CUX2: variants seen among roughly 807,000 people sequenced by gnomAD.
CUX2 encodes cut like homeobox 2.
In CUX2, 40 loss-of-function variants were observed where a neutral mutation model predicts 144.8. The ratio of observed to expected loss-of-function variants is 0.28; its 90% CI spans 0.21 to 0.36. The LOEUF is 0.36. Among genes scored for constraint, CUX2 ranks in the 10% least tolerant of loss-of-function variants. The pLI is 1.00. For missense variants in CUX2, 1,615 were observed against 1,994.0 expected (o/e 0.81, Z 3.62); for synonymous variants, 827 against 875.6 (o/e 0.94, Z 0.98).
At chr12:111,165,902 A>G (rs1056186981) in intron 1 of CUX2, among the ~76,000 whole-genome samples, 3 of 152,178 alleles carry the variant, frequency 2.0e-5, no homozygotes, top group Admixed American at 6.5e-5. Flanking sequence ...ATTGCTATCC[A>G]CAGTGTTTGG....
Position 111,334,699 on chromosome 12 carries a change from A to G in CUX2, c.3185A>G (p.Asp1062Gly), listed in dbSNP as rs1840030774. 1 of 1,608,692 alleles carries G rather than the reference A, an allele frequency of 6.2e-7. No homozygotes were observed. Among genetic ancestry groups the G allele is most frequent in the Admixed American group, 1.7e-5 (1 of 59,580 alleles). The change falls in exon 19 of 22, where the codon GAC (aspartate) becomes GGC (glycine). Residue 1062 changes from aspartate (D) to glycine (G), a missense_variant. This residue lies in a region of CUX2 where 131 missense variants were observed against 223.1 expected (regional missense o/e 0.59). Transcript: ENST00000261726. Reference protein sequence around the residue: ...ITKRVKEVLTDNNLGQRLFGE... With the variant: ...ITKRVKEVLTGNNLGQRLFGE... Reference sequence around the variant, plus strand: ...AAGAGGGTGAAGGAGGTCCTCACAGACAACAATCTAGGTACGGAGCGGGTG... The same window carrying G: ...AAGAGGGTGAAGGAGGTCCTCACAGGCAACAATCTAGGTACGGAGCGGGTG...
intron 1 of CUX2, among the ~76,000 whole-genome samples, chr12:111,161,728 ATTTCT>A (rs1019188650): frequency 6.6e-6 from 1 of 151,656 alleles, no homozygotes; most frequent in Non-Finnish European, 1.5e-5. Context: ...GCTGGATGCC[ATTTCT>A]TTTCTTTTTT....
rs1888587738 is a variant in CUX2, at chr12:111,341,761, CCT to C, written c.3386-14_3386-13del. On this transcript the variant is annotated splice_polypyrimidine_tract_variant and intron_variant, in intron 20 of 21. Transcript: ENST00000261726. ...ATGGGGACACCACCTCTCAGCCCTC[CCT>C]CTCTTCCTGGCCCCAGCCTACCTGA... is the stretch of plus-strand genomic sequence containing the variant. The C allele has an allele frequency of 1.3e-6, 2 of 1,560,962 alleles. No homozygotes were observed. The highest frequency in any genetic ancestry group is 2.4e-5 in the South Asian group (2 of 84,226).
intron 1 of CUX2, among the ~76,000 whole-genome samples, chr12:111,107,185 T>G (rs1873663843): frequency 6.6e-6 from 1 of 152,198 alleles, no homozygotes; most frequent in South Asian, 2.1e-4. Context: ...GTACAGTTTT[T>G]GGTGACAGTG....
chr12:111,299,631 T>C, intron 9 of CUX2, among the ~76,000 whole-genome samples: 1 of 152,306 alleles, frequency 6.6e-6, no homozygotes, highest in Non-Finnish European at 1.5e-5. Flanking sequence ...TGAGCTTAGG[T>C]CCAGCATATT....
At chr12:111,101,062 G>A (rs1873202320) in intron 1 of CUX2, among the ~76,000 whole-genome samples, 1 of 152,226 alleles carries the variant, frequency 6.6e-6, no homozygotes, top group South Asian at 2.1e-4. Flanking sequence ...TGTAGCTTGG[G>A]CGATAAAAAC....
intron 1 of CUX2, among the ~76,000 whole-genome samples, chr12:111,080,799 G>C (rs2136042291): frequency 6.6e-6 from 1 of 152,344 alleles, no homozygotes; most frequent in South Asian, 2.1e-4. Context: ...TTGAAGGAAT[G>C]AGTGAAATAA....
chr12:111,248,256 C>G (rs900174414), intron 3 of CUX2, among the ~76,000 whole-genome samples: 1 of 152,182 alleles, frequency 6.6e-6, no homozygotes, highest in South Asian at 2.1e-4. Context: ...TCCCGATGTC[C>G]CTGCTCTCTA....
chr12:111,271,210 TA>T (rs1198573585), intron 4 of CUX2, among the ~76,000 whole-genome samples: 1 of 152,162 alleles, frequency 6.6e-6, no homozygotes, highest in East Asian at 1.9e-4. Context: ...CTACAACGTT[TA>T]AAATTTTTAA....
Position 111,263,339 on chromosome 12 carries a change from C to T in CUX2, c.223-422C>T, listed in dbSNP as rs1293505673. On this transcript the variant is annotated intron_variant, in intron 3 of 21. Coordinates refer to ENST00000261726, the MANE Select transcript of CUX2 (RefSeq NM_015267.4). This position sits in a 1 kb window ranked among gnomAD's most constrained non-coding sequence, Gnocchi z 4.0. The stretch of plus-strand genomic sequence containing the variant: ...AAAAATACATGGCCAGCCATGGTGG[C>T]TCATGCCTGTAATCCCAGAACTTTG... Among the ~76,000 whole-genome samples the T allele has an allele frequency of 6.6e-6, 1 of 152,158 alleles. No individual in the cohort carries two copies. The highest frequency in any genetic ancestry group is 1.5e-5 in the Non-Finnish European group (1 of 68,024).
chr12:111,155,317 A>G (rs1877304167), intron 1 of CUX2, among the ~76,000 whole-genome samples: 1 of 152,226 alleles, frequency 6.6e-6, no homozygotes, highest in Non-Finnish European at 1.5e-5. Flanking sequence ...GAATGGAAAA[A>G]AAGAGTTTAA....
chr12:111,297,893 G>T (rs17626956), intron 8 of CUX2, among the ~76,000 whole-genome samples: 2 of 152,174 alleles, frequency 1.3e-5, no homozygotes, highest in Non-Finnish European at 2.9e-5. Context: ...ACAAGCAGGG[G>T]TAGGTCCTTT....
At chr12:111,283,385 C>G (rs1885220439) in intron 4 of CUX2, among the ~76,000 whole-genome samples, 1 of 152,144 alleles carries the variant, frequency 6.6e-6, no homozygotes, top group South Asian at 2.1e-4. Context: ...AGATGCCACA[C>G]CTGGAAGGTG....
chr12:111,248,617 G>A (rs61006869), intron 3 of CUX2, among the ~76,000 whole-genome samples: 1 of 152,136 alleles, frequency 6.6e-6, no homozygotes, highest in Non-Finnish European at 1.5e-5. Context: ...TTTCAAGGAG[G>A]GGGGTGAAGC....
Position 111,093,751 on chromosome 12 carries a change from C to G in CUX2, c.63+59511C>G, listed in dbSNP as rs1031549563. 6.6e-5 allele frequency among the ~76,000 whole-genome samples: 10 copies of G among 152,328 alleles called. No individual in the cohort carries two copies. The South Asian group carries it at 8.3e-4, about 13-fold the overall frequency. On this transcript the variant is annotated intron_variant, in intron 1 of 21. Coordinates refer to ENST00000261726, the MANE Select transcript of CUX2 (RefSeq NM_015267.4). ...TTAAGCTGCAGGATGAAATGGCTCC[C>G]TGAAACCCTCTATCTTCTTTTTCTT...
chr12:111,150,154 G>C (rs1876943342), intron 1 of CUX2, among the ~76,000 whole-genome samples: 1 of 152,222 alleles, frequency 6.6e-6, no homozygotes, highest in Non-Finnish European at 1.5e-5. Flanking sequence ...CACATAGTAG[G>C]TGCTTGCTTC....
At chr12:111,078,849 G>A (rs544253296) in intron 1 of CUX2, among the ~76,000 whole-genome samples, 1 of 152,236 alleles carries the variant, frequency 6.6e-6, no homozygotes, top group African/African-American at 2.4e-5. Context: ...AGTGATGATG[G>A]TGGCTTAACT....
In CUX2 at chr12:111,034,628, C is replaced by T. The variant is rs1168526470; in HGVS notation, c.63+388C>T. Among the ~76,000 whole-genome samples, 27 of 151,394 alleles carry T rather than the reference C, an allele frequency of 1.8e-4. No individual in the cohort carries two copies. Among genetic ancestry groups the T allele is most frequent in the Non-Finnish European group, 1.8e-4 (12 of 67,758 alleles). On this transcript the variant is annotated intron_variant, in intron 1 of 21. Transcript: ENST00000261726. The surrounding 1 kb of genome is among the most constrained non-coding windows in gnomAD (Gnocchi z 4.2). Reference sequence around the variant, plus strand: ...CTTTGCGCGCCTCCCAACTTCGCGGCGCCCGGGGAGGCCGCGGAGCGCGCC... The same window carrying T: ...CTTTGCGCGCCTCCCAACTTCGCGGTGCCCGGGGAGGCCGCGGAGCGCGCC...
rs1028337902 is a variant in CUX2 at position 111,034,840 on chromosome 12, C to A, written c.63+600C>A. Among the ~76,000 whole-genome samples, 1 of 148,866 alleles carries A rather than the reference C, an allele frequency of 6.7e-6. No homozygotes were observed. Among genetic ancestry groups the A allele is most frequent in the Non-Finnish European group, 1.5e-5 (1 of 66,756 alleles). On this transcript the variant is annotated intron_variant, in intron 1 of 21. Coordinates refer to ENST00000261726, the MANE Select transcript of CUX2 (RefSeq NM_015267.4). The surrounding 1 kb of genome is among the most constrained non-coding windows in gnomAD (Gnocchi z 4.2). ...TCGCCGCCCGCCTGGCTGCGCAGCC[C>A]GGACGCGCCGCCACCCGGGGGCCGC...
Sources: gnomAD v4.1 joint callset for allele counts (sites outside exome capture counted in the v4.1 genomes callset) on GRCh38, gnomAD v4.1.1 for gene constraint, gnomAD v4.1.1 regional missense constraint, Gnocchi (gnomAD v3.1) non-coding constraint, MANE v1.5 for transcripts, NCBI Gene and HGNC (gene_info 2026-07-23, HGNC 2026-07-21) for gene names.